The following POM121C variants were observed in gnomAD, a reference collection of about 807,000 sequenced individuals.
POM121C encodes the protein nuclear envelope pore membrane protein POM 121C.
In POM121C, 20 loss-of-function variants were observed where a neutral mutation model predicts 66.4. The observed-to-expected ratio is 0.30, with a 90% confidence interval of 0.21 to 0.44. POM121C has a LOEUF of 0.44. POM121C is among the 20% of genes least tolerant of loss of function. POM121C has a pLI of 1.00. For synonymous variants in POM121C, 286 were observed against 528.0 expected (o/e 0.54, Z 6.28); for missense variants, 580 against 1,225.7 (o/e 0.47, Z 7.87).
chr7:75,442,845 G>A (rs1790715627), intron 3 of POM121C: 14 of 1,112,190 alleles, frequency 1.3e-5, no homozygotes, highest in South Asian at 3.3e-5. Context: ...GGCAGCTCCC[G>A]AGACACAGCT....
At chr7:75,431,137 G>A (rs1790160301) in intron 7 of POM121C, among the ~76,000 whole-genome samples, 1 of 148,550 alleles carries the variant, frequency 6.7e-6, no homozygotes, top group African/African-American at 2.5e-5. Flanking sequence ...TCACAAAAGA[G>A]GCTATACAAA....
intron 3 of POM121C, among the ~76,000 whole-genome samples, chr7:75,446,681 A>G (rs1234286600): frequency 6.6e-6 from 1 of 152,158 alleles, no homozygotes; most frequent in African/African-American, 2.4e-5. Context: ...GATCTTAAAT[A>G]CATCCCAAAA....
chr7:75,467,824 G>C (rs765357566), intron 3 of POM121C, among the ~76,000 whole-genome samples: 2 of 151,992 alleles, frequency 1.3e-5, no homozygotes, highest in Non-Finnish European at 2.9e-5. Flanking sequence ...ACTGTGCTAG[G>C]GGGTATCAGA....
At chr7:75,484,498 T>G (rs1792433894) in intron 1 of POM121C, among the ~76,000 whole-genome samples, 2 of 151,980 alleles carry the variant, frequency 1.3e-5, no homozygotes, top group Admixed American at 6.5e-5. Flanking sequence ...ACCCCGTCTC[T>G]ACTTAAAAAT....
Position 75,480,003 on chromosome 7 carries a change from C to T in POM121C, c.-457-4815G>A, listed in dbSNP as rs1472514424. Among the ~76,000 whole-genome samples, 647 of 150,374 alleles carry T rather than the reference C, an allele frequency of 4.3e-3. 2 individuals are homozygous for T. The highest frequency in any genetic ancestry group is 0.014 in the African/African-American group (555 of 40,866). On this transcript the variant is annotated intron_variant, in intron 1 of 14. Transcript: ENST00000615331. ...TGAGACTAAAAGAAAGCAAAGACAA[C>T]GGACTATAACCTAACTCGTTTTATC...
chr7:75,433,917 T>C (rs1790290485), intron 7 of POM121C, among the ~76,000 whole-genome samples: 2 of 152,218 alleles, frequency 1.3e-5, no homozygotes, highest in Admixed American at 6.5e-5. Context: ...TTTCCCAGTA[T>C]GTGTGTAGGA....
chr7:75,452,750 A>G (rs1554475743), intron 3 of POM121C, among the ~76,000 whole-genome samples: 1 of 152,220 alleles, frequency 6.6e-6, no homozygotes, highest in Non-Finnish European at 1.5e-5. Context: ...TGATTCTCTC[A>G]AGACTGTTGC....
In POM121C at chr7:75,416,963, G is replaced by C. The variant is rs587628689; in HGVS notation, c.*1833C>G. ...ACACATCCACACTCACTCTCACTCA[G>C]GGTTCCCGGACCGGCTGTCCTGCCT... On this transcript the variant is annotated 3_prime_UTR_variant, in exon 15 of 15. Transcript: ENST00000615331. 3 of 1,374,396 alleles carry C rather than the reference G, an allele frequency of 2.2e-6. No homozygotes were observed. The highest frequency in any genetic ancestry group is 2.8e-6 in the Non-Finnish European group (3 of 1,064,442). 85.1% of individuals were successfully genotyped at this position (1,374,396 alleles called of 1,614,324 possible).
At chr7:75,420,138 C>A (rs183600840) in intron 13 of POM121C, 1 of 152,398 alleles carries the variant, frequency 6.6e-6, no homozygotes, top group African/African-American at 2.4e-5. Context: ...GGCTCACTGG[C>A]TTCCTCCCCA....
At chr7:75,481,191 C>T (rs1263341846) in intron 1 of POM121C, among the ~76,000 whole-genome samples, 2 of 149,932 alleles carry the variant, frequency 1.3e-5, no homozygotes, top group Non-Finnish European at 3.0e-5. Flanking sequence ...GAAATGATTT[C>T]AAAATAAAAT....
intron 3 of POM121C, among the ~76,000 whole-genome samples, chr7:75,467,533 A>G (rs868939127): frequency 1.4e-5 from 2 of 146,104 alleles, no homozygotes; most frequent in Non-Finnish European, 3.0e-5. Context: ...TTCTGTCTCA[A>G]AAAAAAAAAA....
chr7:75,475,286 A>G (rs1792034702), intron 1 of POM121C, 98 bp from the exon 2 acceptor site: 1 of 1,256,210 alleles, frequency 8.0e-7, no homozygotes, highest in Non-Finnish European at 1.1e-6. Flanking sequence ...TGAACATTGT[A>G]TACCTTATTT....
At chr7:75,425,014 G>A (rs74996451) in intron 10 of POM121C, 60 bp downstream of exon 10, 23 of 1,532,576 alleles carry the variant, frequency 1.5e-5, no homozygotes, top group South Asian at 7.6e-5. Context: ...TGTCCTTAGC[G>A]TTCCTAAGAC....
Position 75,441,082 on chromosome 7 carries a change from T to C in POM121C, c.99A>G (p.Ser33=), listed in dbSNP as rs1554473894. 1.3e-5 allele frequency: 21 copies of C among 1,613,970 alleles called. No homozygotes were observed. Among genetic ancestry groups the C allele is most frequent in the Non-Finnish European group, 1.8e-5 (21 of 1,179,864 alleles). ...ATGGGTCTGGGGCATTACTTGATGG[T>C]GACGACAGTGTTGAGCTGATTATCT... ...PEQIISSTLS[S]PSSNAPDPCA... is the part of the protein sequence containing the mutation. The change falls in exon 5 of 15, where the codon TCA becomes TCG. Residue 33 remains serine (S), a synonymous_variant. Transcript: ENST00000615331.
chr7:75,483,824 G>T (rs2116561489), intron 1 of POM121C, among the ~76,000 whole-genome samples: 1 of 152,098 alleles, frequency 6.6e-6, no homozygotes, highest in South Asian at 2.1e-4. Context: ...ATCCTGGCTG[G>T]GCTCGGTGGC....
chr7:75,426,797 C>CA (rs543569250), intron 7 of POM121C, among the ~76,000 whole-genome samples: 5,515 of 61,086 alleles, frequency 0.09, 517 homozygotes, highest in Non-Finnish European at 0.12. Context: ...GACCCTGTCT[C>CA]AAAAAAAAAA....
In POM121C at chr7:75,441,064, T is replaced by C; in HGVS notation, c.117A>G (p.Pro39=). 2 of 1,613,992 alleles carry C rather than the reference T, an allele frequency of 1.2e-6. No homozygotes were observed. The highest frequency in any genetic ancestry group is 1.7e-6 in the Non-Finnish European group (2 of 1,179,876). The change falls in exon 5 of 15, where the codon CCA becomes CCG. Residue 39 remains proline, a synonymous_variant. Transcript: ENST00000615331. The part of the protein sequence containing the change: ...STLSSPSSNA[P]DPCAKETVLS... ...GTACAGTCTCCTTTGCACATGGGTCTGGGGCATTACTTGATGGTGACGACA... is the reference window on the plus strand; with the variant it reads ...GTACAGTCTCCTTTGCACATGGGTCCGGGGCATTACTTGATGGTGACGACA...
chr7:75,461,892 A>T lies in POM121C; in HGVS notation c.-152+12812T>A, dbSNP rs1406970475. ...TGAGTCGCAAGGGAAACTGGAAAACATATTGAATTATGTAAAAGTGAAAAT... is the reference window on the plus strand; with the variant it reads ...TGAGTCGCAAGGGAAACTGGAAAACTTATTGAATTATGTAAAAGTGAAAAT... On this transcript the variant is annotated intron_variant, in intron 3 of 14. Coordinates refer to ENST00000615331, the MANE Select transcript of POM121C (RefSeq NM_001099415.3). Among the ~76,000 whole-genome samples, 3 of 151,200 alleles carry T rather than the reference A, an allele frequency of 2.0e-5. No homozygotes were observed. In the East Asian group the frequency reaches 5.8e-4, roughly 29 times the overall value.
chr7:75,479,615 C>CTAAATAAATAAATAAATAAA (rs58439125), intron 1 of POM121C, among the ~76,000 whole-genome samples: 1 of 134,522 alleles, frequency 7.4e-6, no homozygotes, highest in Non-Finnish European at 1.6e-5. Context: ...GACTCTGTCT[C>CTAAATAAATAAATAAATAAA]TAAATAAATA....
Sources: allele counts gnomAD v4.1 joint callset (sites outside exome capture counted in the v4.1 genomes callset), GRCh38; gene constraint gnomAD v4.1.1; transcripts MANE v1.5; gene names NCBI Gene and HGNC (gene_info 2026-07-23, HGNC 2026-07-21).